Variants in KIF3B observed in about 807,000 individuals in gnomAD.
The protein encoded by KIF3B is kinesin family member 3B, also known as kinesin-like protein KIF3B.
KIF3B carries 38 observed loss-of-function variants against 74.3 expected under a neutral mutation model. That is an observed-to-expected ratio of 0.51 (90% confidence interval 0.39 to 0.67). KIF3B has a LOEUF of 0.67. Ranked by LOEUF, KIF3B falls within the 30% of genes least tolerant of loss-of-function variation. The pLI, the probability that KIF3B is intolerant of heterozygous loss-of-function variation, is 0.00. For missense variants in KIF3B, 649 were observed against 932.0 expected, an observed-to-expected ratio of 0.70 and a Z score of 3.95; for synonymous variants, 326 against 342.5, an observed-to-expected ratio of 0.95 and a Z score of 0.53.
intron 1 of KIF3B, among the ~76,000 whole-genome samples, chr20:32,280,608 G>T (rs929727351): frequency 1.1e-4 from 16 of 151,110 alleles, no homozygotes; most frequent in Admixed American, 7.3e-4. Flanking sequence ...CCAGCTACTC[G>T]GGAGGCTGAG....
intron 1 of KIF3B, among the ~76,000 whole-genome samples, chr20:32,283,948 C>T (rs112115004): frequency 0.031 from 4,668 of 149,992 alleles, 268 homozygotes; most frequent in African/African-American, 0.11. Flanking sequence ...CTTGGTCTCA[C>T]TCTGTTGCCC....
chr20:32,304,795 C>CAG lies in KIF3B; in HGVS notation c.-65-4890_-65-4889dup, dbSNP rs34339038. 0.017 allele frequency among the ~76,000 whole-genome samples: 2,445 copies of CAG among 147,100 alleles called. 100 individuals carry two copies. In the East Asian group the frequency reaches 0.17, roughly 10 times the overall value. On this transcript the variant is annotated intron_variant, in intron 1 of 8. Transcript: ENST00000375712. ...AACAGGGTGGCTAGAGAGCAGGTCA[C>CAG]AGAGAGAGAGAGAGAGAGAGAGAGA...
At chr20:32,318,194 C>T (rs1445235399) in intron 5 of KIF3B, among the ~76,000 whole-genome samples, 1 of 151,640 alleles carries the variant, frequency 6.6e-6, no homozygotes, top group Non-Finnish European at 1.5e-5. Context: ...CCCAGTTACT[C>T]AGGAGGCTGA....
Position 32,332,728 on chromosome 20 carries a change from A to G in KIF3B, c.*1409A>G, listed in dbSNP as rs1318923887. The G allele has an allele frequency of 6.6e-6, 1 of 152,278 alleles. No homozygotes were observed. Among genetic ancestry groups the G allele is most frequent in the Non-Finnish European group, 1.5e-5 (1 of 68,036 alleles). 9.4% of individuals were successfully genotyped at this position (152,278 alleles called of 1,614,324 possible). ...GAATGTGTCCATATGTGTCTGTAAGAGAGACAGAGACCAAGAACTTGCCCA... is the reference window on the plus strand; with the variant it reads ...GAATGTGTCCATATGTGTCTGTAAGGGAGACAGAGACCAAGAACTTGCCCA... On this transcript the variant is annotated 3_prime_UTR_variant, in exon 9 of 9. Transcript: ENST00000375712.
chr20:32,292,461 G>A (rs2047696560), intron 1 of KIF3B, among the ~76,000 whole-genome samples: 1 of 151,718 alleles, frequency 6.6e-6, no homozygotes. Context: ...AATTAGTCCA[G>A]GCATGGTGGC....
rs13036263 is a variant in KIF3B at position 32,333,628 on chromosome 20, C to A, written c.*2309C>A. On this transcript the variant is annotated 3_prime_UTR_variant, in exon 9 of 9. Transcript: ENST00000375712. Reference sequence around the variant, plus strand: ...AGCCTGGGTGACAGAGTGAGACTCCCCCTCAAAAAAAAAAAAAAAAAAAAA... The same window carrying A: ...AGCCTGGGTGACAGAGTGAGACTCCACCTCAAAAAAAAAAAAAAAAAAAAA... The A allele has an allele frequency of 0.97, 109,172 of 113,094 alleles. 52,625 individuals carry two copies. Among genetic ancestry groups the A allele is most frequent in the Middle Eastern group, 1 (241 of 242 alleles). The allele number at this position is 113,094 out of a possible 1,614,324, so 7.0% of individuals were successfully genotyped here. A position where few individuals can be genotyped will look rare whatever the true frequency, so the allele number is the denominator to read the frequency against.
chr20:32,311,090 A>C lies in KIF3B; in HGVS notation c.1313A>C (p.Glu438Ala). 1 of 1,613,884 alleles carries C rather than the reference A, an allele frequency of 6.2e-7. No individual in the cohort carries two copies. Among genetic ancestry groups the C allele is most frequent in the Non-Finnish European group, 8.5e-7 (1 of 1,179,954 alleles). The change falls in exon 2 of 9, where the codon GAG becomes GCG. Residue 438 changes from glutamate to alanine, a missense_variant. By Grantham distance (107) the Glu-to-Ala change is moderately radical. Coordinates refer to ENST00000375712, the MANE Select transcript of KIF3B (RefSeq NM_004798.4). ...IVEDHSLVAE[E>A]KMRLLKEKEK... ...GAGGATCACAGCTTGGTTGCAGAGG[A>C]GAAGATGAGGCTGCTGAAGGAGAAA...
chr20:32,314,638 C>CA (rs1177610047), intron 2 of KIF3B, among the ~76,000 whole-genome samples: 1 of 152,016 alleles, frequency 6.6e-6, no homozygotes, highest in Non-Finnish European at 1.5e-5. Flanking sequence ...GGTGAGGAAA[C>CA]AGGCTCAGAG....
At chr20:32,282,082 A>G (rs1275926660) in intron 1 of KIF3B, among the ~76,000 whole-genome samples, 3 of 152,216 alleles carry the variant, frequency 2.0e-5, no homozygotes, top group East Asian at 3.9e-4. Context: ...GGCATGATCT[A>G]TTTTTGTTTT....
Position 32,319,589 on chromosome 20 carries a change from T to G in KIF3B, c.1748+2715T>G, listed in dbSNP as rs1336611734. ...TTTTTTTGTTTTGTTTTTGTTTTTT[T>G]TTTTTTTTTTTTTGGAGTTGGAGTC... On this transcript the variant is annotated intron_variant, in intron 5 of 8. Transcript: ENST00000375712. Among the ~76,000 whole-genome samples, 504 of 142,192 alleles carry G rather than the reference T, an allele frequency of 3.5e-3. 2 individuals carry two copies. Among genetic ancestry groups the G allele is most frequent in the African/African-American group, 0.011 (444 of 39,112 alleles). The allele number at this position is 142,192 out of a possible 152,430, so 93.3% of individuals were successfully genotyped here.
chr20:32,300,964 G>A (rs1051266764), intron 1 of KIF3B, among the ~76,000 whole-genome samples: 1 of 151,538 alleles, frequency 6.6e-6, no homozygotes, highest in Non-Finnish European at 1.5e-5. Context: ...TTGGGCTTAC[G>A]TGATCCTCTC....
chr20:32,300,184 C>T (rs1471115628), intron 1 of KIF3B, among the ~76,000 whole-genome samples: 1 of 151,484 alleles, frequency 6.6e-6, no homozygotes, highest in Non-Finnish European at 1.5e-5. Flanking sequence ...CTCACTACAA[C>T]CTCCAACTCC....
In KIF3B at chr20:32,331,915, T is replaced by C. The variant is rs1478224214; in HGVS notation, c.*596T>C. 3 of 152,800 alleles carry C rather than the reference T, an allele frequency of 2.0e-5. No individual in the cohort carries two copies. Among genetic ancestry groups the C allele is most frequent in the African/African-American group, 7.2e-5 (3 of 41,456 alleles). 9.5% of individuals were successfully genotyped at this position (152,800 alleles called of 1,614,324 possible). Reference sequence around the variant, plus strand: ...CACCTCAGTAAGAAGTGGATCTGCCTTTGGGACCTGCTCAGTGAGGAAATC... The same window carrying C: ...CACCTCAGTAAGAAGTGGATCTGCCCTTGGGACCTGCTCAGTGAGGAAATC... On this transcript the variant is annotated 3_prime_UTR_variant, in exon 9 of 9. Coordinates refer to ENST00000375712, the MANE Select transcript of KIF3B (RefSeq NM_004798.4).
chr20:32,280,714 CAAAAAAAAAA>C (rs34366324), intron 1 of KIF3B, among the ~76,000 whole-genome samples: 2 of 51,346 alleles, frequency 3.9e-5, no homozygotes, highest in African/African-American at 7.7e-5. Context: ...GACTCCGTCT[CAAAAAAAAAA>C]AAAAAAAAAA....
At chr20:32,300,945 A>G (rs556903704) in intron 1 of KIF3B, among the ~76,000 whole-genome samples, 14 of 152,024 alleles carry the variant, frequency 9.2e-5, no homozygotes, top group Admixed American at 3.9e-4. Context: ...GGCTCACTGT[A>G]GCCTTGACTT....
Position 32,327,544 on chromosome 20 carries a change from G to C in KIF3B, c.1863-12G>C, listed in dbSNP as rs1016644695. On this transcript the variant is annotated splice_polypyrimidine_tract_variant and intron_variant, in intron 6 of 8. Coordinates refer to ENST00000375712, the MANE Select transcript of KIF3B (RefSeq NM_004798.4). Reference sequence around the variant, plus strand: ...CTCCAGCCAGGGCTTTAACACTGCAGTTCATTTCCAGGAACCAGCAGATGA... The same window carrying C: ...CTCCAGCCAGGGCTTTAACACTGCACTTCATTTCCAGGAACCAGCAGATGA... 4.3e-6 allele frequency: 7 copies of C among 1,611,016 alleles called. No individual in the cohort carries two copies.
At chr20:32,308,196 A>G (rs2047781564) in intron 1 of KIF3B, among the ~76,000 whole-genome samples, 1 of 152,172 alleles carries the variant, frequency 6.6e-6, no homozygotes, top group East Asian at 1.9e-4. Flanking sequence ...AGCTCACACC[A>G]CTGCACTCCA....
chr20:32,310,959 A>G lies in KIF3B; in HGVS notation c.1182A>G (p.Glu394=), dbSNP rs1449635813. Residue 394 remains glutamate (E), a synonymous_variant, in exon 2 of 9, where the codon GAA becomes GAG. Coordinates refer to ENST00000375712, the MANE Select transcript of KIF3B (RefSeq NM_004798.4). This position sits in a 1 kb window ranked among gnomAD's most constrained non-coding sequence, Gnocchi z 6.5. ...REGGGSGGGG[E]EEEEEGEEGE... ...GTGGTGGCAGTGGTGGGGGTGGGGAAGAGGAGGAGGAGGAGGGAGAAGAGG... is the reference window on the plus strand; with the variant it reads ...GTGGTGGCAGTGGTGGGGGTGGGGAGGAGGAGGAGGAGGAGGGAGAAGAGG... 8.9e-6 allele frequency: 14 copies of G among 1,571,202 alleles called. No homozygotes were observed. The highest frequency in any genetic ancestry group is 1.2e-5 in the Non-Finnish European group (14 of 1,145,794).
rs2047770370 is a variant in KIF3B at position 32,306,220 on chromosome 20, C to A, written c.-65-3493C>A. 3.3e-5 allele frequency among the ~76,000 whole-genome samples: 5 copies of A among 151,364 alleles called. No homozygotes were observed. In the South Asian group the frequency reaches 1.0e-3, roughly 32 times the overall value. On this transcript the variant is annotated intron_variant, in intron 1 of 8. Transcript: ENST00000375712. ...CCATCCTGGCCAACATGGTGAAACC[C>A]CATCTCTACTAAATATACGAAAAAG...
Sources: allele counts gnomAD v4.1 joint callset (sites outside exome capture counted in the v4.1 genomes callset), GRCh38; gene constraint gnomAD v4.1.1; non-coding constraint Gnocchi (gnomAD v3.1); transcripts MANE v1.5; gene names NCBI Gene and HGNC (gene_info 2026-07-23, HGNC 2026-07-21).